NIPAL3: variants seen among roughly 807,000 people sequenced by gnomAD.
NIPAL3 encodes the protein NIPA-like protein 3.
Under a neutral mutation model 47.2 loss-of-function variants are expected in NIPAL3, and 41 were observed. The observed-to-expected ratio is 0.87, with a 90% confidence interval of 0.68 to 1.13. NIPAL3 has a LOEUF of 1.13. Among genes scored for constraint, NIPAL3 ranks in the 50% most tolerant of loss-of-function variants. The pLI, the probability that NIPAL3 is intolerant of heterozygous loss-of-function variation, is 0.00. For missense variants in NIPAL3, 449 were observed against 530.1 expected (o/e 0.85, Z 1.50); for synonymous variants, 194 against 209.6 (o/e 0.93, Z 0.64).
intron 2 of NIPAL3, among the ~76,000 whole-genome samples, chr1:24,430,806 A>C (rs1215648038): frequency 6.6e-6 from 1 of 152,236 alleles, no homozygotes; most frequent in Admixed American, 6.5e-5. Context: ...TGATATATCT[A>C]GAAAGGGTCA....
chr1:24,464,201 T>TG (rs1283309158), intron 11 of NIPAL3, 81 bp downstream of exon 11: 3 of 995,924 alleles, frequency 3.0e-6, no homozygotes, highest in Non-Finnish European at 4.5e-6. Context: ...GACAACCAAC[T>TG]GCTGTGCTGT....
In NIPAL3 at chr1:24,451,562, G is replaced by A. The variant is rs1645939408; in HGVS notation, c.541-1846G>A. Among the ~76,000 whole-genome samples, 1 of 152,000 alleles carries A rather than the reference G, an allele frequency of 6.6e-6. No individual in the cohort carries two copies. Among genetic ancestry groups the A allele is most frequent in the Non-Finnish European group, 1.5e-5 (1 of 68,014 alleles). ...AAAAAAAAAAGTAAAAATTAGCCAG[G>A]TGTGGTGATGCATGCCTGTATTACC... On this transcript the variant is annotated intron_variant, in intron 6 of 11. Transcript: ENST00000374399. This position sits in a 1 kb window ranked among gnomAD's most constrained non-coding sequence, Gnocchi z 4.5.
chr1:24,467,747 A>G (rs1646759384), intron 11 of NIPAL3, among the ~76,000 whole-genome samples: 1 of 152,162 alleles, frequency 6.6e-6, no homozygotes, highest in Non-Finnish European at 1.5e-5. Context: ...TGCTTAGCCC[A>G]GTCAGGTGTT....
At position 24,470,109 on chromosome 1, in the gene NIPAL3, A is replaced by G. The variant is rs577688296; in HGVS notation, c.*924A>G. 1 of 152,296 alleles carries G rather than the reference A, an allele frequency of 6.6e-6. No homozygotes were observed. The highest frequency in any genetic ancestry group is 6.5e-5 in the Admixed American group (1 of 15,296). The allele number at this position is 152,296 out of a possible 1,614,324, so 9.4% of individuals were successfully genotyped here. A position where few individuals can be genotyped will look rare whatever the true frequency, so the allele number is the denominator to read the frequency against. ...CTCTTCACCTGTCCTCCGTCTCTCC[A>G]TTACAGAGCCACAAGCCAAGCTTGA... On this transcript the variant is annotated 3_prime_UTR_variant, in exon 12 of 12. Coordinates refer to ENST00000374399, the MANE Select transcript of NIPAL3 (RefSeq NM_020448.5).
intron 2 of NIPAL3, among the ~76,000 whole-genome samples, chr1:24,426,918 G>T (rs541490741): frequency 7.9e-5 from 12 of 152,198 alleles, no homozygotes; most frequent in Non-Finnish European, 1.5e-4. Context: ...TGTCAGCTGG[G>T]AACCATATGT....
upstream of NIPAL3, chr1:24,413,576 G>A (rs1426824822): frequency 6.6e-6 from 1 of 152,352 alleles, no homozygotes; most frequent in African/African-American, 2.4e-5. Context: ...CCGGAGGCCG[G>A]GGGGTCTCCG....
At chr1:24,441,527 C>G (rs887528059) in intron 3 of NIPAL3, among the ~76,000 whole-genome samples, 4 of 152,182 alleles carry the variant, frequency 2.6e-5, no homozygotes, top group Admixed American at 2.0e-4. Flanking sequence ...AGCCACGTAT[C>G]CACCCCAGGG....
intron 5 of NIPAL3, among the ~76,000 whole-genome samples, chr1:24,445,521 A>G (rs1443709075): frequency 2.6e-5 from 4 of 152,220 alleles, no homozygotes; most frequent in African/African-American, 7.2e-5. Flanking sequence ...TAGGAGGCCT[A>G]AGAAAAGAAA....
At chr1:24,432,419 G>A (rs1019265699) in intron 2 of NIPAL3, among the ~76,000 whole-genome samples, 6 of 152,266 alleles carry the variant, frequency 3.9e-5, no homozygotes, top group African/African-American at 9.6e-5. Flanking sequence ...GAGCCATCGC[G>A]CCCGGCCAGA....
chr1:24,437,775 T>C (rs1445727220), intron 2 of NIPAL3, among the ~76,000 whole-genome samples: 2 of 152,124 alleles, frequency 1.3e-5, no homozygotes, highest in African/African-American at 4.8e-5. Flanking sequence ...TGGGCCGTGA[T>C]GTCTAGGGAG....
At chr1:24,443,679 G>A (rs1645508898) in intron 4 of NIPAL3, among the ~76,000 whole-genome samples, 1 of 152,330 alleles carries the variant, frequency 6.6e-6, no homozygotes, top group Non-Finnish European at 1.5e-5. Context: ...TGCTGAACTG[G>A]CAGCTTGCAA....
At chr1:24,432,749 G>A (rs1267685451) in intron 2 of NIPAL3, among the ~76,000 whole-genome samples, 2 of 152,142 alleles carry the variant, frequency 1.3e-5, no homozygotes, top group Non-Finnish European at 1.5e-5. Context: ...GAGTTAATAC[G>A]TTTAAAGTAC....
chr1:24,439,597 T>C (rs1476784363), intron 2 of NIPAL3, among the ~76,000 whole-genome samples: 1 of 152,176 alleles, frequency 6.6e-6, no homozygotes, highest in Non-Finnish European at 1.5e-5. Context: ...TTTTTATCTA[T>C]ATATATTTCC....
intron 5 of NIPAL3, 58 bp downstream of exon 5, chr1:24,445,302 G>T (rs148899776): frequency 1.6e-6 from 2 of 1,212,586 alleles, no homozygotes; most frequent in Non-Finnish European, 2.4e-6. Flanking sequence ...TTTATTAATT[G>T]TAAAACCAGT....
chr1:24,440,114 C>T, intron 2 of NIPAL3, 58 bp from the exon 3 acceptor site: 1 of 1,358,734 alleles, frequency 7.4e-7, no homozygotes, highest in Non-Finnish European at 9.9e-7. Context: ...TCAGAAGTGT[C>T]CTGGGGCCCC....
chr1:24,466,999 G>T (rs1646725840), intron 11 of NIPAL3, among the ~76,000 whole-genome samples: 1 of 152,176 alleles, frequency 6.6e-6, no homozygotes, highest in Admixed American at 6.5e-5. Flanking sequence ...TTGGTCTCTG[G>T]TGGCAGATCC....
intron 10 of NIPAL3, among the ~76,000 whole-genome samples, chr1:24,463,708 A>C (rs1388788570): frequency 6.6e-6 from 1 of 152,222 alleles, no homozygotes; most frequent in East Asian, 1.9e-4. Flanking sequence ...ATGTTTTAAA[A>C]GGCAAGCTTC....
intron 2 of NIPAL3, among the ~76,000 whole-genome samples, chr1:24,434,012 C>G (rs1557498715): frequency 6.6e-6 from 1 of 151,946 alleles, no homozygotes; most frequent in African/African-American, 2.4e-5. Context: ...CTATTTACCA[C>G]AAAAGAGGGC....
rs112247674 is a variant in NIPAL3, at chr1:24,464,047, C to T, written c.948C>T (p.Gly316=). The T allele has an allele frequency of 5.0e-6, 8 of 1,612,118 alleles. No individual in the cohort carries two copies. The highest frequency in any genetic ancestry group is 2.2e-5 in the South Asian group (2 of 90,794). The change falls in exon 11 of 12, where the codon GGC becomes GGT. Residue 316 remains glycine, a synonymous_variant. Transcript: ENST00000374399. ...GCAGGTGCCTCATTGCATTCTTGGGCGTCTTCTTAATCACGCGTAACAGGA... is the reference window on the plus strand; with the variant it reads ...GCAGGTGCCTCATTGCATTCTTGGGTGTCTTCTTAATCACGCGTAACAGGA... ...FALGCLIAFL[G]VFLITRNRKK...
Sources: allele counts gnomAD v4.1 joint callset (sites outside exome capture counted in the v4.1 genomes callset), GRCh38; gene constraint gnomAD v4.1.1; non-coding constraint Gnocchi (gnomAD v3.1); transcripts MANE v1.5; gene names NCBI Gene and HGNC (gene_info 2026-07-23, HGNC 2026-07-21).